PGR: variants seen among roughly 807,000 people sequenced by gnomAD.
PGR encodes the protein progesterone receptor.
In PGR, 25 loss-of-function variants were observed where a neutral mutation model predicts 76.1. The ratio of observed to expected loss-of-function variants is 0.33; its 90% confidence interval spans 0.24 to 0.46. The LOEUF (loss-of-function observed/expected upper bound fraction) is 0.46, where lower values mean the gene tolerates loss of function less well. PGR is among the 20% of genes least tolerant of loss of function. PGR has a pLI of 1.00. For missense variants in PGR, 1,172 were observed against 1,225.3 expected, an observed-to-expected ratio of 0.96 and a Z score of 0.65; for synonymous variants, 579 against 535.0, an observed-to-expected ratio of 1.08 and a Z score of -1.14.
chr11:101,128,748 C>T lies in PGR; in HGVS notation c.323G>A (p.Ser108Asn). The change falls in exon 1 of 8, where the codon AGC (serine) becomes AAC (asparagine). Residue 108 changes from serine (S) to asparagine (N), a missense_variant. Physicochemically the swap from Ser to Asn is conservative, Grantham distance 46. This residue lies in a region of PGR where 893 missense variants were observed against 785.9 expected (regional missense o/e 1.14). Transcript: ENST00000325455. ...GSSSSPPEKD[S>N]GLLDSVLDTL... ...GTCCAAGACACTGTCCAGCAGTCCG[C>T]TGTCCTTTTCTGGGGGACTAGAACT... The T allele has an allele frequency of 6.2e-7, 1 of 1,613,682 alleles. No individual in the cohort carries two copies. Among genetic ancestry groups the T allele is most frequent in the Non-Finnish European group, 8.5e-7 (1 of 1,180,018 alleles).
chr11:101,044,256 T>C (rs1184275831), intron 6 of PGR, among the ~76,000 whole-genome samples: 1 of 152,184 alleles, frequency 6.6e-6, no homozygotes, highest in Non-Finnish European at 1.5e-5. Flanking sequence ...ACCTTATACT[T>C]TGTTATGGAA....
intron 3 of PGR, among the ~76,000 whole-genome samples, chr11:101,081,105 A>C (rs1861291823): frequency 6.6e-6 from 1 of 152,158 alleles, no homozygotes; most frequent in African/African-American, 2.4e-5. Flanking sequence ...AGAGCTAGAA[A>C]TCCAGAGAAC....
At chr11:101,043,572 T>A (rs1859766857) in intron 6 of PGR, among the ~76,000 whole-genome samples, 1 of 152,162 alleles carries the variant, frequency 6.6e-6, no homozygotes, top group Non-Finnish European at 1.5e-5. Context: ...GGTTTTCAAT[T>A]TACTTTACCC....
intron 1 of PGR, 147 bp from the exon 2 acceptor site, chr11:101,126,305 T>TTTA: frequency 1.3e-6 from 1 of 749,442 alleles, no homozygotes. Context: ...CAAACTAAAC[T>TTTA]TGGTAATAGA....
At chr11:101,087,788 T>G (rs1237320609) in intron 3 of PGR, among the ~76,000 whole-genome samples, 4 of 151,968 alleles carry the variant, frequency 2.6e-5, no homozygotes, top group African/African-American at 7.3e-5. Flanking sequence ...GAACAGACAT[T>G]TCTCAAAAGG....
chr11:101,113,270 C>CT (rs879882028), intron 2 of PGR, among the ~76,000 whole-genome samples: 121 of 148,086 alleles, frequency 8.2e-4, no homozygotes, highest in South Asian at 8.6e-4. Context: ...TAAATATCTT[C>CT]TTTTTTTTTT....
In PGR at chr11:101,093,090, G is replaced by A. The variant is rs144477488; in HGVS notation, c.1790-1214C>T. 4.9e-4 allele frequency among the ~76,000 whole-genome samples: 74 copies of A among 152,208 alleles called. 3 individuals are homozygous for A. In the East Asian group the frequency reaches 0.013, roughly 27 times the overall value. ...AAGGTTCCTGACCTCATGCATTTCTGGAAAAGCACAAATATTTTCTTAAAG... is the reference window on the plus strand; with the variant it reads ...AAGGTTCCTGACCTCATGCATTTCTAGAAAAGCACAAATATTTTCTTAAAG... On this transcript the variant is annotated intron_variant, in intron 2 of 7. Coordinates refer to ENST00000325455, the MANE Select transcript of PGR (RefSeq NM_000926.4).
intron 2 of PGR, among the ~76,000 whole-genome samples, chr11:101,099,235 G>A (rs889513969): frequency 1.3e-5 from 2 of 152,204 alleles, no homozygotes; most frequent in Admixed American, 1.3e-4. Flanking sequence ...ATACAGCAAT[G>A]AGAATAAATG....
chr11:101,118,999 GTT>G (rs2135498546), intron 2 of PGR, among the ~76,000 whole-genome samples: 1 of 152,278 alleles, frequency 6.6e-6, no homozygotes, highest in Non-Finnish European at 1.5e-5. Context: ...GTGTGGGATG[GTT>G]TCTGGATGAA....
At chr11:101,113,044 A>G (rs991980439) in intron 2 of PGR, among the ~76,000 whole-genome samples, 5 of 152,170 alleles carry the variant, frequency 3.3e-5, no homozygotes, top group Non-Finnish European at 2.9e-5. Flanking sequence ...CAAGTTAGAA[A>G]ATCTTATTTC....
At chr11:101,088,113 A>G (rs1861554371) in intron 3 of PGR, among the ~76,000 whole-genome samples, 1 of 152,082 alleles carries the variant, frequency 6.6e-6, no homozygotes, top group Admixed American at 6.6e-5. Flanking sequence ...TAGGAAGATC[A>G]CTTGAGCCCA....
intron 3 of PGR, among the ~76,000 whole-genome samples, chr11:101,077,921 C>G (rs1407282812): frequency 6.6e-6 from 1 of 152,100 alleles, no homozygotes; most frequent in African/African-American, 2.4e-5. Context: ...TAGCCATCAC[C>G]CACAGTAGAT....
At chr11:101,091,340 C>T (rs1281640031) in intron 3 of PGR, among the ~76,000 whole-genome samples, 1 of 152,192 alleles carries the variant, frequency 6.6e-6, no homozygotes, top group African/African-American at 2.4e-5. Flanking sequence ...AAGCAATGTA[C>T]CTGACCAATT....
chr11:101,044,635 C>T (rs1229397048), intron 6 of PGR, among the ~76,000 whole-genome samples: 1 of 150,570 alleles, frequency 6.6e-6, no homozygotes, highest in Admixed American at 6.6e-5. Context: ...CTACCTCAGA[C>T]TTGCAACTCT....
intron 4 of PGR, among the ~76,000 whole-genome samples, chr11:101,055,001 T>A (rs1860236487): frequency 6.6e-6 from 1 of 152,074 alleles, no homozygotes; most frequent in Non-Finnish European, 1.5e-5. Context: ...AACTGAAGTA[T>A]AAAAAATAAT....
chr11:101,033,465 T>C lies in PGR; in HGVS notation c.*5651A>G, dbSNP rs538844652. 9 of 190,180 alleles carry C rather than the reference T, an allele frequency of 4.7e-5. No homozygotes were observed. In the South Asian group the frequency reaches 1.6e-3, roughly 33 times the overall value. 11.8% of individuals were successfully genotyped at this position (190,180 alleles called of 1,614,324 possible). On this transcript the variant is annotated 3_prime_UTR_variant, in exon 8 of 8. Coordinates refer to ENST00000325455, the MANE Select transcript of PGR (RefSeq NM_000926.4). ...TTAACCTAGTTTAGGAAAGCTATGA[T>C]AGAAGTCCATTGACTAACTATTATT...
intron 2 of PGR, among the ~76,000 whole-genome samples, chr11:101,114,700 T>C (rs1862448512): frequency 6.6e-6 from 1 of 152,096 alleles, no homozygotes; most frequent in Admixed American, 6.6e-5. Context: ...CCCACAATTC[T>C]CTGTGTCGCT....
chr11:101,049,492 C>A (rs1860016759), intron 6 of PGR, among the ~76,000 whole-genome samples: 1 of 152,076 alleles, frequency 6.6e-6, no homozygotes, highest in African/African-American at 2.4e-5. Flanking sequence ...ACATTAGTAT[C>A]ACCACGAACA....
At position 101,059,858 on chromosome 11, in the gene PGR, A is replaced by AAAAG. The variant is rs1555050862; in HGVS notation, c.2212+2585_2212+2588dup. Reference sequence around the variant, plus strand: ...ACCCTCTCTCAAAAAAAAAAAAAAAAAAAGAAAAAAAAGAAAAGAAACAAA... The same window carrying AAAAG: ...ACCCTCTCTCAAAAAAAAAAAAAAAAAAAGAAAGAAAAAAAAGAAAAGAAACAAA... On this transcript the variant is annotated intron_variant, in intron 4 of 7. Coordinates refer to ENST00000325455, the MANE Select transcript of PGR (RefSeq NM_000926.4). 2.9e-3 allele frequency among the ~76,000 whole-genome samples: 251 copies of AAAAG among 85,210 alleles called. 1 individual carries two copies. Among genetic ancestry groups the AAAAG allele is most frequent in the African/African-American group, 6.6e-3 (230 of 34,848 alleles). The allele number at this position is 85,210 out of a possible 152,430, so 55.9% of individuals were successfully genotyped here.
Sources: allele counts gnomAD v4.1 joint callset (sites outside exome capture counted in the v4.1 genomes callset), GRCh38; gene constraint gnomAD v4.1.1; regional missense constraint gnomAD v4.1.1; transcripts MANE v1.5; gene names NCBI Gene and HGNC (gene_info 2026-07-23, HGNC 2026-07-21).